Variants in TFDP2 observed in about 807,000 individuals in gnomAD.
The protein encoded by TFDP2 is transcription factor Dp-2 (E2F dimerization partner 2).
Under a neutral mutation model 59.3 loss-of-function variants are expected in TFDP2, and 17 were observed. That is an observed-to-expected ratio of 0.29 (90% CI 0.20 to 0.43). The LOEUF is 0.43. Ranked by LOEUF, TFDP2 falls within the 20% of genes least tolerant of loss-of-function variation. The pLI, the probability that TFDP2 is intolerant of heterozygous loss-of-function variation, is 1.00. For missense variants in TFDP2, 391 were observed against 528.8 expected (o/e 0.74, Z 2.56); for synonymous variants, 180 against 194.7 (o/e 0.92, Z 0.63).
In TFDP2 at chr3:142,035,113, C is replaced by T. The variant is rs377175148; in HGVS notation, c.83-29569G>A. 2.6e-4 allele frequency among the ~76,000 whole-genome samples: 39 copies of T among 152,262 alleles called. No homozygotes were observed. In the South Asian group the frequency reaches 7.9e-3, roughly 31 times the overall value. The stretch of plus-strand genomic sequence containing the variant: ...ACTTGTATTCTAAATGGCTCAACCA[C>T]AGCCATCTCTTTTGCTGTACTGTTG... On this transcript the variant is annotated intron_variant, in intron 3 of 12. Transcript: ENST00000489671.
intron 1 of TFDP2, among the ~76,000 whole-genome samples, chr3:142,118,012 C>A (rs1220095186): frequency 6.6e-6 from 1 of 152,084 alleles, no homozygotes; most frequent in Non-Finnish European, 1.5e-5. Flanking sequence ...GCAAAAGAAT[C>A]CCTTGAACCC....
chr3:142,042,625 CTTTTCT>C (rs1456968644), intron 3 of TFDP2, among the ~76,000 whole-genome samples: 208 of 70,626 alleles, frequency 2.9e-3, no homozygotes, highest in East Asian at 0.029. Flanking sequence ...CTTTTCTTTT[CTTTTCT>C]TTTTTTTTTT....
At chr3:141,976,247 G>GAA (rs1576539884) in intron 7 of TFDP2, among the ~76,000 whole-genome samples, 1 of 152,152 alleles carries the variant, frequency 6.6e-6, no homozygotes, top group Non-Finnish European at 1.5e-5. Flanking sequence ...TGGTAGAAGA[G>GAA]AAAAATGGAA....
chr3:142,045,610 GA>G (rs1947299457), intron 3 of TFDP2, among the ~76,000 whole-genome samples: 1 of 95,198 alleles, frequency 1.1e-5, no homozygotes, highest in Non-Finnish European at 1.9e-5. Context: ...GGTATTATTT[GA>G]CTTTTTTTTT....
chr3:141,978,037 C>T (rs1261373753), intron 7 of TFDP2, among the ~76,000 whole-genome samples: 1 of 141,996 alleles, frequency 7.0e-6, no homozygotes, highest in South Asian at 2.4e-4. Flanking sequence ...TAAAAAAAAA[C>T]AAAAAAAAAC....
intron 11 of TFDP2, among the ~76,000 whole-genome samples, chr3:141,954,853 T>C (rs1936392625): frequency 6.6e-6 from 1 of 152,068 alleles, no homozygotes; most frequent in Admixed American, 6.6e-5. Context: ...TGAAACTATA[T>C]GATTTAGATT....
intron 4 of TFDP2, chr3:142,000,134 C>G (rs1249631246): frequency 1.9e-6 from 1 of 531,758 alleles, no homozygotes; most frequent in Non-Finnish European, 3.4e-6. Flanking sequence ...GTGTCTTAGT[C>G]CATTCAGGCT....
chr3:141,967,610 A>G (rs1370954317), intron 9 of TFDP2, among the ~76,000 whole-genome samples: 1 of 152,012 alleles, frequency 6.6e-6, no homozygotes, highest in Admixed American at 6.6e-5. Flanking sequence ...AATAAGTTTT[A>G]AGTTTACCAG....
At chr3:142,100,358 C>T (rs11706051) in intron 2 of TFDP2, among the ~76,000 whole-genome samples, 12,966 of 151,266 alleles carry the variant, frequency 0.086, 695 homozygotes, top group Middle Eastern at 0.14. Flanking sequence ...AGGCAGGATG[C>T]ATCAAGCTAC....
At chr3:142,042,696 A>C (rs1185879198) in intron 3 of TFDP2, among the ~76,000 whole-genome samples, 1 of 117,410 alleles carries the variant, frequency 8.5e-6, no homozygotes, top group East Asian at 2.5e-4. Flanking sequence ...TTTTATATAT[A>C]GCTTTTTGTA....
At chr3:142,002,317 GTTTTTTTTT>G (rs750047190) in intron 4 of TFDP2, among the ~76,000 whole-genome samples, 24 of 106,838 alleles carry the variant, frequency 2.2e-4, no homozygotes, top group African/African-American at 8.6e-4. Flanking sequence ...TATTTTTAGT[GTTTTTTTTT>G]TTTTTTTTTT....
chr3:142,036,392 A>G (rs1946695083), intron 3 of TFDP2, among the ~76,000 whole-genome samples: 1 of 152,250 alleles, frequency 6.6e-6, no homozygotes, highest in African/African-American at 2.4e-5. Flanking sequence ...AGATATTCAC[A>G]ACTATCTGAA....
intron 3 of TFDP2, chr3:142,044,022 G>A (rs1947182271): frequency 1.5e-6 from 1 of 678,108 alleles, no homozygotes; most frequent in Non-Finnish European, 2.7e-6. Flanking sequence ...TCAAGCCCAG[G>A]AATGGACTGT....
intron 1 of TFDP2, among the ~76,000 whole-genome samples, chr3:142,142,606 T>C (rs1036388587): frequency 6.6e-6 from 1 of 152,186 alleles, no homozygotes; most frequent in Non-Finnish European, 1.5e-5. Context: ...AAAACCATCC[T>C]AAGATTTATA....
Position 142,005,473 on chromosome 3 carries a change from C to G in TFDP2, c.154G>C (p.Gly52Arg), listed in dbSNP as rs551212894. The change falls in exon 4 of 13, where the codon GGA becomes CGA. Residue 52 changes from glycine (G) to arginine (R), a missense_variant. This residue lies in a region of TFDP2 where 162 missense variants were observed against 206.8 expected (regional missense o/e 0.78). Coordinates refer to ENST00000489671, the MANE Select transcript of TFDP2 (RefSeq NM_001178139.2). ...GGTCCAACATTCACATTTATTGGTC[C>G]TAAGGTTTTTGGTAAAATCTTTGTA... Reference protein sequence around the residue: ...SPTKILPKTLGPINVNVGPQM... With the variant: ...SPTKILPKTLRPINVNVGPQM... 6.2e-7 allele frequency: 1 copy of G among 1,611,886 alleles called. No individual in the cohort carries two copies. Among genetic ancestry groups the G allele is most frequent in the Admixed American group, 1.7e-5 (1 of 59,864 alleles).
chr3:141,989,879 A>AT (rs756537672), intron 6 of TFDP2, among the ~76,000 whole-genome samples: 10,991 of 149,404 alleles, frequency 0.074, 507 homozygotes, highest in Non-Finnish European at 0.11. Context: ...ATTTACTTTA[A>AT]TAATAATAAT....
At position 141,993,594 on chromosome 3, in the gene TFDP2, GA is replaced by G. The variant is rs1942996153; in HGVS notation, c.309-10del. 2 of 1,514,712 alleles carry G rather than the reference GA, an allele frequency of 1.3e-6. No individual in the cohort carries two copies. Among genetic ancestry groups the G allele is most frequent in the East Asian group, 2.3e-5 (1 of 43,846 alleles). 93.8% of individuals were successfully genotyped at this position (1,514,712 alleles called of 1,614,324 possible). On this transcript the variant is annotated splice_polypyrimidine_tract_variant and intron_variant, in intron 5 of 12. Coordinates refer to ENST00000489671, the MANE Select transcript of TFDP2 (RefSeq NM_001178139.2). ...TAGCCCGTTTTCTATCACTAAAAAG[GA>G]AAAAAGATAGCATAAAAACAATACA...
chr3:142,126,878 G>A (rs539776633), intron 1 of TFDP2, among the ~76,000 whole-genome samples: 31 of 151,094 alleles, frequency 2.1e-4, no homozygotes, highest in South Asian at 1.3e-3. Context: ...CCCGGAAGGC[G>A]GAGGTTGCAG....
Position 142,049,504 on chromosome 3 carries a change from T to A in TFDP2, c.82+43557A>T, listed in dbSNP as rs528201812. On this transcript the variant is annotated intron_variant, in intron 3 of 12. Coordinates refer to ENST00000489671, the MANE Select transcript of TFDP2 (RefSeq NM_001178139.2). ...AAAGCAACTATAGAAAACCCATAGC[T>A]AAAAATCATACTTATGGTAAAAAAA... Among the ~76,000 whole-genome samples the A allele has an allele frequency of 3.4e-3, 515 of 152,272 alleles. 2 individuals are homozygous for A. Among genetic ancestry groups the A allele is most frequent in the African/African-American group, 0.012 (485 of 41,552 alleles).
Sources: gnomAD v4.1 joint callset for allele counts (sites outside exome capture counted in the v4.1 genomes callset) on GRCh38, gnomAD v4.1.1 for gene constraint, gnomAD v4.1.1 regional missense constraint, MANE v1.5 for transcripts, NCBI Gene and HGNC (gene_info 2026-07-23, HGNC 2026-07-21) for gene names.